Variants in SLC22A9 observed in about 807,000 individuals in gnomAD.
The protein encoded by SLC22A9 is organic anion transporter 7.
In SLC22A9, 64 loss-of-function variants were observed where a neutral mutation model predicts 50.1. The observed-to-expected ratio is 1.28, with a 90% CI of 1.04 to 1.57. The LOEUF (loss-of-function observed/expected upper bound fraction) is 1.57. SLC22A9 is among the 40% of genes most tolerant of loss of function. The pLI, the probability that SLC22A9 is intolerant of heterozygous loss-of-function variation, is 0.00. For synonymous variants in SLC22A9, 261 were observed against 242.5 expected, an observed-to-expected ratio of 1.08 and a Z score of -0.71; for missense variants, 757 against 676.1, an observed-to-expected ratio of 1.12 and a Z score of -1.33.
At chr11:63,378,261 C>T (rs906252781) in intron 5 of SLC22A9, among the ~76,000 whole-genome samples, 2 of 138,856 alleles carry the variant, frequency 1.4e-5, no homozygotes, top group African/African-American at 6.9e-5. Flanking sequence ...AAAAACCAGA[C>T]TAAAAACAAA....
At chr11:63,405,497 AT>A (rs2015021947) in intron 6 of SLC22A9, among the ~76,000 whole-genome samples, 1 of 152,216 alleles carries the variant, frequency 6.6e-6, no homozygotes, top group Admixed American at 6.6e-5. Flanking sequence ...ACTCCTTTCT[AT>A]GCTAATAAAC....
intron 6 of SLC22A9, among the ~76,000 whole-genome samples, chr11:63,392,354 T>G (rs537755565): frequency 6.6e-6 from 1 of 152,096 alleles, no homozygotes; most frequent in African/African-American, 2.4e-5. Flanking sequence ...AATGTCATTG[T>G]CTTTCAGATG....
At chr11:63,375,894 CCTCA>C (rs2014453683) in intron 5 of SLC22A9, 126 bp downstream of exon 5, 1 of 1,197,792 alleles carries the variant, frequency 8.3e-7, no homozygotes, top group South Asian at 1.7e-5. Context: ...GGCTGTATCA[CCTCA>C]CTATCATTTT....
In SLC22A9 at chr11:63,370,455, T is replaced by C; in HGVS notation, c.399T>C (p.Thr133=). ...TCTCCTTCTCATCCACCATCGTGAC[T>C]GAGGTAAGAGGCTCTGTTCTCGTCT... ...DRISFSSTIV[T]EWDLVCDSQS... is the part of the protein sequence containing the mutation. Residue 133 remains threonine (T), a synonymous_variant, in exon 1 of 10, where the codon ACT becomes ACC. Coordinates refer to ENST00000279178, the MANE Select transcript of SLC22A9 (RefSeq NM_080866.3). 1 of 1,582,176 alleles carries C rather than the reference T, an allele frequency of 6.3e-7. No homozygotes were observed. The highest frequency in any genetic ancestry group is 1.2e-5 in the South Asian group (1 of 84,000).
chr11:63,385,746 C>T (rs1173778187), intron 6 of SLC22A9, among the ~76,000 whole-genome samples: 2 of 152,038 alleles, frequency 1.3e-5, no homozygotes, highest in Admixed American at 6.6e-5. Flanking sequence ...CAAATGAAGA[C>T]AACTTGACTT....
intron 5 of SLC22A9, among the ~76,000 whole-genome samples, chr11:63,381,605 G>A (rs1241215968): frequency 1.3e-5 from 2 of 152,124 alleles, no homozygotes; most frequent in African/African-American, 4.8e-5. Flanking sequence ...GAAGGGCCAG[G>A]ATTGTCTCTT....
chr11:63,375,018 A>C (rs2014435719), intron 4 of SLC22A9, among the ~76,000 whole-genome samples: 1 of 152,160 alleles, frequency 6.6e-6, no homozygotes, highest in African/African-American at 2.4e-5. Context: ...TACCTTAGAG[A>C]GATGATTACA....
At chr11:63,380,079 TG>T (rs1349804041) in intron 5 of SLC22A9, among the ~76,000 whole-genome samples, 1 of 151,916 alleles carries the variant, frequency 6.6e-6, no homozygotes, top group Non-Finnish European at 1.5e-5. Context: ...AACAAGCATA[TG>T]AAAAAAATGC....
intron 6 of SLC22A9, among the ~76,000 whole-genome samples, chr11:63,388,698 T>G (rs559900873): frequency 1.2e-3 from 179 of 149,976 alleles, no homozygotes; most frequent in Non-Finnish European, 2.3e-3. Context: ...AGAATGAGTT[T>G]GGAAGTATTC....
intron 1 of SLC22A9, among the ~76,000 whole-genome samples, 156 bp from the exon 2 acceptor site, chr11:63,370,979 G>C (rs138060971): frequency 5.3e-5 from 8 of 152,164 alleles, no homozygotes; most frequent in African/African-American, 1.9e-4. Flanking sequence ...TTTAAGTTGA[G>C]ACCTGAATAA....
intron 5 of SLC22A9, among the ~76,000 whole-genome samples, chr11:63,376,120 T>C (rs974141783): frequency 2.0e-5 from 3 of 152,022 alleles, no homozygotes; most frequent in Non-Finnish European, 4.4e-5. Flanking sequence ...TCTTTCAGGG[T>C]AGTAAAGCCA....
intron 6 of SLC22A9, among the ~76,000 whole-genome samples, chr11:63,396,545 A>G (rs2014861335): frequency 6.6e-6 from 1 of 152,136 alleles, no homozygotes; most frequent in Non-Finnish European, 1.5e-5. Flanking sequence ...TATTTGGGAT[A>G]TCTCCTGGCT....
chr11:63,398,273 T>A (rs10897412), intron 6 of SLC22A9, among the ~76,000 whole-genome samples: 3,985 of 152,114 alleles, frequency 0.026, 196 homozygotes, highest in South Asian at 0.12. Flanking sequence ...TCTTCATTCT[T>A]CCCTCTCCTC....
intron 6 of SLC22A9, among the ~76,000 whole-genome samples, chr11:63,386,099 G>A (rs1043064307): frequency 1.3e-5 from 2 of 152,100 alleles, no homozygotes; most frequent in Admixed American, 6.6e-5. Flanking sequence ...TACATTTACT[G>A]ATTTGCTTAT....
intron 6 of SLC22A9, among the ~76,000 whole-genome samples, chr11:63,390,189 AT>A (rs2014739404): frequency 6.6e-6 from 1 of 152,076 alleles, no homozygotes; most frequent in African/African-American, 2.4e-5. Flanking sequence ...ATTAGATCCC[AT>A]TTGTCAATTT....
intron 6 of SLC22A9, among the ~76,000 whole-genome samples, chr11:63,401,975 T>C (rs1301433574): frequency 6.6e-6 from 1 of 152,066 alleles, no homozygotes; most frequent in Non-Finnish European, 1.5e-5. Context: ...GTTTTATTGT[T>C]GCTTTATTTG....
chr11:63,396,473 G>C (rs745976748), intron 6 of SLC22A9, among the ~76,000 whole-genome samples: 12 of 152,158 alleles, frequency 7.9e-5, no homozygotes, highest in Non-Finnish European at 1.6e-4. Context: ...TTCCCCAGTG[G>C]GGGTGCGTGT....
chr11:63,374,025 G>C lies in SLC22A9; in HGVS notation c.793G>C (p.Val265Leu), dbSNP rs751448254. The C allele has an allele frequency of 6.2e-7, 1 of 1,613,352 alleles. No individual in the cohort carries two copies. Reference protein sequence around the residue: ...IRDWHILQLVVSVPYFVIFLT... With the variant: ...IRDWHILQLVLSVPYFVIFLT... ...AGACTGGCATATCCTCCAGCTGGTGGTGTCTGTACCATACTTTGTGATCTT... is the reference window on the plus strand; with the variant it reads ...AGACTGGCATATCCTCCAGCTGGTGCTGTCTGTACCATACTTTGTGATCTT... The change falls in exon 4 of 10, where the codon GTG (valine) becomes CTG (leucine). Residue 265 changes from valine to leucine, a missense_variant. Coordinates refer to ENST00000279178, the MANE Select transcript of SLC22A9 (RefSeq NM_080866.3).
At chr11:63,392,345 A>G (rs79973563) in intron 6 of SLC22A9, among the ~76,000 whole-genome samples, 1,581 of 152,150 alleles carry the variant, frequency 0.01, 24 homozygotes, top group African/African-American at 0.037. Flanking sequence ...CTGCTCATCA[A>G]TGTCATTGTC....
Sources: allele counts gnomAD v4.1 joint callset (sites outside exome capture counted in the v4.1 genomes callset), GRCh38; gene constraint gnomAD v4.1.1; transcripts MANE v1.5; gene names NCBI Gene and HGNC (gene_info 2026-07-23, HGNC 2026-07-21).